The following TMPRSS6 variants were observed in gnomAD, a reference collection of about 807,000 sequenced individuals.
TMPRSS6 encodes the protein transmembrane protease serine 6.
TMPRSS6 carries 67 observed loss-of-function variants against 101.5 expected under a neutral mutation model. The ratio of observed to expected loss-of-function variants is 0.66; its 90% confidence interval spans 0.54 to 0.81. The LOEUF (loss-of-function observed/expected upper bound fraction) is 0.81, where lower values mean the gene tolerates loss of function less well. Among genes scored for constraint, TMPRSS6 ranks in the 30% least tolerant of loss-of-function variants. The pLI, the probability that TMPRSS6 is intolerant of heterozygous loss-of-function variation, is 0.00. For missense variants in TMPRSS6, 1,034 were observed against 1,088.7 expected, an observed-to-expected ratio of 0.95 and a Z score of 0.71; for synonymous variants, 453 against 464.9, an observed-to-expected ratio of 0.97 and a Z score of 0.33.
intron 6 of TMPRSS6, among the ~76,000 whole-genome samples, chr22:37,093,056 T>C (rs1001586563): frequency 2.6e-5 from 4 of 152,186 alleles, no homozygotes; most frequent in Admixed American, 2.6e-4. Context: ...GAGGACACGG[T>C]CATCCTGGTG....
chr22:37,106,550 G>T (rs1239924757), intron 1 of TMPRSS6, among the ~76,000 whole-genome samples: 1 of 152,164 alleles, frequency 6.6e-6, no homozygotes, highest in African/African-American at 2.4e-5. Context: ...GCAGTAGTGG[G>T]AAATTAATTC....
intron 6 of TMPRSS6, among the ~76,000 whole-genome samples, chr22:37,092,463 C>G (rs561980093): frequency 8.7e-5 from 13 of 150,024 alleles, no homozygotes; most frequent in Middle Eastern, 3.4e-3. Flanking sequence ...ACCCCCACCC[C>G]CGAGTAGCTA....
intron 12 of TMPRSS6, 22 bp from the exon 13 acceptor site, chr22:37,073,667 G>GA (rs779221039): frequency 1.3e-6 from 2 of 1,570,448 alleles, no homozygotes; most frequent in South Asian, 2.2e-5. Flanking sequence ...CACAGAGAGG[G>GA]GACAGGTGGG....
In TMPRSS6 at chr22:37,070,428, C is replaced by T. The variant is rs374103441; in HGVS notation, c.1841+56G>A. On this transcript the variant is annotated intron_variant, in intron 15 of 17. Transcript: ENST00000676104. Reference sequence around the variant, plus strand: ...AGCTCAGACACAGTGCACCTCCCACCGGGCCTTCCCTGCCCTTGTCTCTTA... The same window carrying T: ...AGCTCAGACACAGTGCACCTCCCACTGGGCCTTCCCTGCCCTTGTCTCTTA... The T allele has an allele frequency of 3.4e-5, 54 of 1,605,266 alleles. 1 individual carries two copies. The highest frequency in any genetic ancestry group is 3.1e-4 in the African/African-American group (23 of 74,768).
At chr22:37,095,286 C>T (rs1044165389) in intron 6 of TMPRSS6, among the ~76,000 whole-genome samples, 11 of 152,234 alleles carry the variant, frequency 7.2e-5, no homozygotes, top group African/African-American at 2.6e-4. Context: ...CCTGACTCAT[C>T]CTCACACCCA....
In TMPRSS6 at chr22:37,090,867, C is replaced by T. The variant is rs1444031731; in HGVS notation, c.632-1085G>A. Among the ~76,000 whole-genome samples, 5 of 152,148 alleles carry T rather than the reference C, an allele frequency of 3.3e-5. No homozygotes were observed. The East Asian group carries it at 5.8e-4, about 18-fold the overall frequency. On this transcript the variant is annotated intron_variant, in intron 6 of 17. Coordinates refer to ENST00000676104, the MANE Select transcript of TMPRSS6 (RefSeq NM_001374504.1). ...GTTCCTCAGGTGGGTGTGAGGGAGA[C>T]GGAGCAGGTAGGGCTGGGGAGAAAG...
At chr22:37,075,017 T>C (rs149728170) in intron 11 of TMPRSS6, 118 bp downstream of exon 11, 44 of 1,474,092 alleles carry the variant, frequency 3.0e-5, no homozygotes, top group Non-Finnish European at 4.1e-5. Flanking sequence ...ACACACACAC[T>C]CTCTCTCTCC....
At chr22:37,093,841 G>C (rs965623187) in intron 6 of TMPRSS6, among the ~76,000 whole-genome samples, 1 of 151,674 alleles carries the variant, frequency 6.6e-6, no homozygotes, top group Admixed American at 6.6e-5. Flanking sequence ...TGGCCAACAC[G>C]GCAAAACCTC....
intron 13 of TMPRSS6, among the ~76,000 whole-genome samples, chr22:37,072,449 TG>T (rs1927109601): frequency 5.2e-5 from 7 of 134,532 alleles, no homozygotes; most frequent in Non-Finnish European, 4.7e-5. Flanking sequence ...GATGGATGGA[TG>T]GATGATGGAT....
At chr22:37,082,052 A>G (rs1928312594) in intron 10 of TMPRSS6, among the ~76,000 whole-genome samples, 2 of 152,174 alleles carry the variant, frequency 1.3e-5, no homozygotes, top group South Asian at 4.1e-4. Flanking sequence ...CCCTTGCCCA[A>G]CTGCATCAGG....
chr22:37,109,117 C>T (rs989235446), intron 1 of TMPRSS6, among the ~76,000 whole-genome samples: 1 of 152,118 alleles, frequency 6.6e-6, no homozygotes, highest in Non-Finnish European at 1.5e-5. Context: ...TGTGGGGCTC[C>T]GGGCCTGTCT....
chr22:37,084,784 G>T lies in TMPRSS6; in HGVS notation c.1029C>A (p.Ser343Arg). 6.4e-7 allele frequency: 1 copy of T among 1,566,278 alleles called. No individual in the cohort carries two copies. The highest frequency in any genetic ancestry group is 1.2e-5 in the South Asian group (1 of 85,130). The change falls in exon 9 of 18, where the codon AGC (serine) becomes AGA (arginine). Residue 343 changes from serine to arginine, a missense_variant. Transcript: ENST00000676104. The part of the protein sequence containing the change: ...DNRLDSQGVL[S>R]TPYFPSYYSP... ...AGTAGTAGCTGGGGAAGTACGGGGT[G>T]CTGAGGACGCCCTGGGAGTCGAGCC... is the stretch of plus-strand genomic sequence containing the variant.
At position 37,103,621 on chromosome 22, in the gene TMPRSS6, C is replaced by A; in HGVS notation, c.-1-203G>T. On this transcript the variant is annotated intron_variant, in intron 1 of 17. Coordinates refer to ENST00000676104, the MANE Select transcript of TMPRSS6 (RefSeq NM_001374504.1). This position sits in a 1 kb window ranked among gnomAD's most constrained non-coding sequence, Gnocchi z 4.4. ...TCTCAGGTCAGCTCGCACCAGAGGGCAGGCACCAGAGCTGGACTGGGTCTG... is the reference window on the plus strand; with the variant it reads ...TCTCAGGTCAGCTCGCACCAGAGGGAAGGCACCAGAGCTGGACTGGGTCTG... The A allele has an allele frequency of 1.3e-6, 2 of 1,596,892 alleles. No individual in the cohort carries two copies. Among genetic ancestry groups the A allele is most frequent in the Non-Finnish European group, 1.7e-6 (2 of 1,168,724 alleles).
intron 6 of TMPRSS6, among the ~76,000 whole-genome samples, chr22:37,093,219 A>G (rs912427505): frequency 6.6e-5 from 10 of 152,106 alleles, no homozygotes; most frequent in African/African-American, 2.4e-4. Flanking sequence ...TTGTTCAATC[A>G]TTCATTCATG....
At chr22:37,097,468 C>T (rs1038795843) in intron 3 of TMPRSS6, among the ~76,000 whole-genome samples, 1 of 152,254 alleles carries the variant, frequency 6.6e-6, no homozygotes, top group Admixed American at 6.5e-5. Flanking sequence ...ACTATTCCCC[C>T]TGCCAGGGCC....
chr22:37,095,096 AAAG>A (rs1929629257), intron 6 of TMPRSS6, among the ~76,000 whole-genome samples: 1 of 152,208 alleles, frequency 6.6e-6, no homozygotes, highest in South Asian at 2.1e-4. Flanking sequence ...AAGGAAAGGA[AAAG>A]AGGGAAGGAG....
chr22:37,077,983 C>T (rs1475388421), intron 10 of TMPRSS6, among the ~76,000 whole-genome samples: 2 of 152,214 alleles, frequency 1.3e-5, no homozygotes, highest in Non-Finnish European at 1.5e-5. Context: ...CCAGGGGGCG[C>T]CCCTGAGCAA....
chr22:37,077,301 G>A (rs150250197), intron 10 of TMPRSS6, among the ~76,000 whole-genome samples: 27 of 152,276 alleles, frequency 1.8e-4, no homozygotes, highest in African/African-American at 6.3e-4. Flanking sequence ...GGAGGGCTCC[G>A]AATTCCCACT....
chr22:37,099,670 T>A (rs1169498310), intron 2 of TMPRSS6, among the ~76,000 whole-genome samples: 1 of 152,094 alleles, frequency 6.6e-6, no homozygotes. Context: ...CCACACATCG[T>A]GTATAACAGG....
Sources: gnomAD v4.1 joint callset for allele counts (sites outside exome capture counted in the v4.1 genomes callset) on GRCh38, gnomAD v4.1.1 for gene constraint, Gnocchi (gnomAD v3.1) non-coding constraint, MANE v1.5 for transcripts, NCBI Gene and HGNC (gene_info 2026-07-23, HGNC 2026-07-21) for gene names.